Variants in NOXRED1 observed in about 807,000 individuals in gnomAD.
The protein encoded by NOXRED1 is NADP dependent oxidoreductase domain containing 1.
NOXRED1 carries 20 observed loss-of-function variants against 30.4 expected under a neutral mutation model. The observed-to-expected ratio is 0.66, with a 90% confidence interval of 0.46 to 0.96. The LOEUF (loss-of-function observed/expected upper bound fraction) is 0.96, where lower values mean the gene tolerates loss of function less well. Among genes scored for constraint, NOXRED1 ranks in the 40% least tolerant of loss-of-function variants. The pLI is 0.00. For missense variants in NOXRED1, 374 were observed against 428.0 expected, an observed-to-expected ratio of 0.87 and a Z score of 1.11; for synonymous variants, 155 against 168.0, an observed-to-expected ratio of 0.92 and a Z score of 0.60.
At chr14:77,402,062 A>G (rs1894340563) in intron 5 of NOXRED1, among the ~76,000 whole-genome samples, 1 of 152,258 alleles carries the variant, frequency 6.6e-6, no homozygotes, top group South Asian at 2.1e-4. Flanking sequence ...ATGCAGAACT[A>G]TAAAACTCCT....
chr14:77,425,662 ATGTGG>A (rs1426816512), upstream of NOXRED1, among the ~76,000 whole-genome samples: 3 of 152,250 alleles, frequency 2.0e-5, no homozygotes, highest in African/African-American at 7.2e-5. Context: ...TGTTGCTAAC[ATGTGG>A]GCAGGATAAT....
chr14:77,409,498 C>T (rs1894585413), intron 2 of NOXRED1, among the ~76,000 whole-genome samples: 1 of 152,146 alleles, frequency 6.6e-6, no homozygotes, highest in African/African-American at 2.4e-5. Flanking sequence ...GTCAATTAAA[C>T]CTCTTTTGTT....
chr14:77,401,285 T>C (rs767645048), intron 5 of NOXRED1, among the ~76,000 whole-genome samples: 1 of 151,958 alleles, frequency 6.6e-6, no homozygotes. Flanking sequence ...GGCAAGAGAA[T>C]TGCTTGAACC....
chr14:77,395,199 A>G (rs952928666), intron 5 of NOXRED1, among the ~76,000 whole-genome samples: 6 of 144,620 alleles, frequency 4.1e-5, no homozygotes, highest in African/African-American at 1.6e-4. Context: ...TCTACCTCCC[A>G]GGTTCATGCC....
chr14:77,408,365 TTTTTA>T (rs1894541862), intron 2 of NOXRED1, among the ~76,000 whole-genome samples: 1 of 152,008 alleles, frequency 6.6e-6, no homozygotes, highest in Non-Finnish European at 1.5e-5. Context: ...CCAGCTAATT[TTTTTA>T]TTTTGTGTAG....
intron 5 of NOXRED1, among the ~76,000 whole-genome samples, chr14:77,401,905 A>G (rs1457638067): frequency 6.6e-6 from 1 of 152,250 alleles, no homozygotes. Flanking sequence ...CTGCTCTTTG[A>G]CAAAGGAGCA....
At position 77,398,680 on chromosome 14, in the gene NOXRED1, C is replaced by T. The variant is rs185588447; in HGVS notation, c.906-3875G>A. On this transcript the variant is annotated intron_variant, in intron 5 of 5. Coordinates refer to ENST00000380835, the MANE Select transcript of NOXRED1 (RefSeq NM_001113475.3). ...AACTCCTTACTACATTATTAAAGAC[C>T]TATTTACAGGCCGGGTGCGATGGCT... is the stretch of plus-strand genomic sequence containing the variant. 2.1e-3 allele frequency among the ~76,000 whole-genome samples: 323 copies of T among 152,228 alleles called. 3 individuals carry two copies. The highest frequency in any genetic ancestry group is 7.3e-3 in the African/African-American group (305 of 41,546).
chr14:77,413,023 G>C (rs1894703527), intron 2 of NOXRED1, among the ~76,000 whole-genome samples: 1 of 151,700 alleles, frequency 6.6e-6, no homozygotes, highest in South Asian at 2.1e-4. Context: ...TTTTATTATT[G>C]AAGTATAATT....
chr14:77,398,705 T>C (rs1894248189), intron 5 of NOXRED1, among the ~76,000 whole-genome samples: 1 of 152,182 alleles, frequency 6.6e-6, no homozygotes, highest in Non-Finnish European at 1.5e-5. Context: ...GTGCGATGGC[T>C]CATGCCTGTA....
At chr14:77,425,456 A>G (rs1260681131), upstream of NOXRED1, among the ~76,000 whole-genome samples, 1 of 152,246 alleles carries the variant, frequency 6.6e-6, no homozygotes, top group Non-Finnish European at 1.5e-5. Context: ...TAACCAATAT[A>G]CTAGTTAATA....
In NOXRED1 at chr14:77,394,290, T is replaced by A. The variant is rs1285707774; in HGVS notation, c.*341A>T. The A allele has an allele frequency of 1.2e-5, 2 of 164,582 alleles. No individual in the cohort carries two copies. The highest frequency in any genetic ancestry group is 2.6e-5 in the Non-Finnish European group (2 of 76,430). 10.2% of individuals were successfully genotyped at this position (164,582 alleles called of 1,614,324 possible). A position where few individuals can be genotyped will look rare whatever the true frequency, so the allele number is the denominator to read the frequency against. On this transcript the variant is annotated 3_prime_UTR_variant, in exon 6 of 6. Transcript: ENST00000380835. ...AAACTTGATTTATTGGAAAAGAAGC[T>A]GCAGTATGTAATTGTCTAAAACTTA...
intron 5 of NOXRED1, among the ~76,000 whole-genome samples, chr14:77,397,290 C>T (rs989243107): frequency 6.6e-6 from 1 of 152,188 alleles, no homozygotes; most frequent in African/African-American, 2.4e-5. Context: ...AAGCCAGTTT[C>T]AAAAGGTGGC....
chr14:77,411,556 T>C (rs910439611), intron 2 of NOXRED1, among the ~76,000 whole-genome samples: 6 of 151,528 alleles, frequency 4.0e-5, no homozygotes, highest in Admixed American at 6.6e-5. Context: ...CACTACAAAC[T>C]GTATGATTCC....
intron 1 of NOXRED1, among the ~76,000 whole-genome samples, chr14:77,416,851 C>T (rs1392641038): frequency 6.6e-6 from 1 of 151,720 alleles, no homozygotes; most frequent in Non-Finnish European, 1.5e-5. Context: ...CCACCTCCCT[C>T]CCGGACGGGG....
chr14:77,408,177 C>T (rs1320638373), intron 2 of NOXRED1, among the ~76,000 whole-genome samples: 1 of 152,056 alleles, frequency 6.6e-6, no homozygotes, highest in Non-Finnish European at 1.5e-5. Flanking sequence ...CTATAATTCA[C>T]CTTTATCTTA....
chr14:77,408,771 AG>A (rs772127206), intron 2 of NOXRED1, among the ~76,000 whole-genome samples: 1 of 152,148 alleles, frequency 6.6e-6, no homozygotes, highest in Non-Finnish European at 1.5e-5. Flanking sequence ...GAGGCTGAGA[AG>A]GGTTTGCAAA....
chr14:77,414,490 A>T (rs1326686345), intron 1 of NOXRED1, among the ~76,000 whole-genome samples: 1 of 152,132 alleles, frequency 6.6e-6, no homozygotes, highest in Non-Finnish European at 1.5e-5. Context: ...AGTTCTTCTT[A>T]ACTGTCATTC....
intron 2 of NOXRED1, among the ~76,000 whole-genome samples, chr14:77,409,499 C>T (rs139021949): frequency 0.11 from 16,919 of 152,084 alleles, 979 homozygotes; most frequent in Non-Finnish European, 0.12. Flanking sequence ...TCAATTAAAC[C>T]TCTTTTGTTT....
At chr14:77,416,863 G>A (rs1195644982) in intron 1 of NOXRED1, among the ~76,000 whole-genome samples, 5 of 150,648 alleles carry the variant, frequency 3.3e-5, no homozygotes, top group South Asian at 2.1e-4. Flanking sequence ...CGGACGGGGC[G>A]GCTGGCCGGG....
Sources: gnomAD v4.1 joint callset for allele counts (sites outside exome capture counted in the v4.1 genomes callset) on GRCh38, gnomAD v4.1.1 for gene constraint, MANE v1.5 for transcripts, NCBI Gene and HGNC (gene_info 2026-07-23, HGNC 2026-07-21) for gene names.